Variants in PRPF39 observed in about 807,000 individuals in gnomAD.
The protein encoded by PRPF39 is pre-mRNA-processing factor 39.
PRPF39 carries 27 observed loss-of-function variants against 82.1 expected under a neutral mutation model. The observed-to-expected ratio is 0.33, with a 90% confidence interval of 0.24 to 0.45. The LOEUF (loss-of-function observed/expected upper bound fraction) is 0.45, where lower values mean the gene tolerates loss of function less well. Ranked by LOEUF, PRPF39 falls within the 20% of genes least tolerant of loss-of-function variation. PRPF39 has a pLI of 1.00. For synonymous variants in PRPF39, 261 were observed against 256.4 expected (o/e 1.02, Z -0.17); for missense variants, 581 against 796.9 (o/e 0.73, Z 3.26).
In PRPF39 at chr14:45,109,765, G is replaced by T. The variant is rs562635632; in HGVS notation, c.1161G>T (p.Glu387Asp). 3.1e-6 allele frequency: 5 copies of T among 1,602,816 alleles called. No homozygotes were observed. The African/African-American group carries it at 6.7e-5, about 21-fold the overall frequency. ...GTGTCATATCATGTGCCCTCTATGA[G>T]GAGTTTTGGATTAAGGTAAGAAAAT... ...ERCVISCALY[E>D]EFWIKYAKYM... Residue 387 changes from glutamate (E) to aspartate (D), a missense_variant, in exon 8 of 14, where the codon GAG becomes GAT. Physicochemically the swap from Glu to Asp is conservative, Grantham distance 45. Transcript: ENST00000355765.
chr14:45,100,287 C>T lies in PRPF39; in HGVS notation c.570-2242C>T, dbSNP rs980893106. Among the ~76,000 whole-genome samples the T allele has an allele frequency of 8.5e-5, 13 of 152,200 alleles. 1 individual carries two copies. The highest frequency in any genetic ancestry group is 2.9e-4 in the African/African-American group (12 of 41,530). On this transcript the variant is annotated intron_variant, in intron 4 of 13. Coordinates refer to ENST00000355765, the MANE Select transcript of PRPF39 (RefSeq NM_017922.4). ...AACAAAACACAAGCATATGGAAGCA[C>T]TGTGTGTTTTGTATGGGGCATTGTC...
chr14:45,090,512 A>G lies in PRPF39; in HGVS notation c.-19-4709A>G, dbSNP rs376521243. Among the ~76,000 whole-genome samples, 21 of 152,046 alleles carry G rather than the reference A, an allele frequency of 1.4e-4. No homozygotes were observed. The East Asian group carries it at 3.7e-3, about 27-fold the overall frequency. On this transcript the variant is annotated intron_variant, in intron 1 of 13. Transcript: ENST00000355765. Reference sequence around the variant, plus strand: ...TGTCTCTCTTATCTTTTCAGTCATCATTTCTACCTTCTTGTCTGCTGTCAA... The same window carrying G: ...TGTCTCTCTTATCTTTTCAGTCATCGTTTCTACCTTCTTGTCTGCTGTCAA...
In PRPF39 at chr14:45,112,306, C is replaced by CTT. The variant is rs1467977998; in HGVS notation, c.1573-8_1573-7dup. ...ATTTTAGAAATATTCATTGATGCTGCTTTTTACACAGGAGAACACAAAGTT... is the reference window on the plus strand; with the variant it reads ...ATTTTAGAAATATTCATTGATGCTGCTTTTTTTACACAGGAGAACACAAAGTT... On this transcript the variant is annotated splice_polypyrimidine_tract_variant and intron_variant, in intron 10 of 13. Coordinates refer to ENST00000355765, the MANE Select transcript of PRPF39 (RefSeq NM_017922.4). The CTT allele has an allele frequency of 6.5e-7, 1 of 1,544,000 alleles. No individual in the cohort carries two copies. The highest frequency in any genetic ancestry group is 8.6e-7 in the Non-Finnish European group (1 of 1,156,302).
At chr14:45,101,749 C>T in intron 4 of PRPF39, among the ~76,000 whole-genome samples, 1 of 151,414 alleles carries the variant, frequency 6.6e-6, no homozygotes, top group East Asian at 1.9e-4. Context: ...TGTGATAAAA[C>T]TTTAATGATA....
chr14:45,110,333 C>T lies in PRPF39; in HGVS notation c.1303+113C>T. Reference sequence around the variant, plus strand: ...AAGCAGAGTTTGGCAAACTTTTTCTCTAAAGGGCCAGATAGTAAAAGCCAC... The same window carrying T: ...AAGCAGAGTTTGGCAAACTTTTTCTTTAAAGGGCCAGATAGTAAAAGCCAC... On this transcript the variant is annotated intron_variant, in intron 9 of 13. Transcript: ENST00000355765. The surrounding 1 kb of genome is among the most constrained non-coding windows in gnomAD (Gnocchi z 4.0). 1.4e-6 allele frequency: 2 copies of T among 1,421,736 alleles called. No individual in the cohort carries two copies. Among genetic ancestry groups the T allele is most frequent in the Non-Finnish European group, 1.9e-6 (2 of 1,055,480 alleles). 88.1% of individuals were successfully genotyped at this position (1,421,736 alleles called of 1,614,324 possible). A position where few individuals can be genotyped will look rare whatever the true frequency, so the allele number is the denominator to read the frequency against.
chr14:45,096,496 G>T, intron 3 of PRPF39: 1 of 1,451,086 alleles, frequency 6.9e-7, no homozygotes, highest in Non-Finnish European at 9.2e-7. Flanking sequence ...TTAACAAGTA[G>T]GGCAGGGCTT....
intron 1 of PRPF39, among the ~76,000 whole-genome samples, chr14:45,090,724 GTA>G (rs1418277553): frequency 1.1e-4 from 16 of 152,140 alleles, no homozygotes; most frequent in South Asian, 8.3e-4. Context: ...ATGTGTGTGT[GTA>G]TGTGTTTGTG....
intron 6 of PRPF39, among the ~76,000 whole-genome samples, chr14:45,108,082 G>C (rs1263810121): frequency 6.6e-6 from 1 of 152,092 alleles, no homozygotes; most frequent in African/African-American, 2.4e-5. Context: ...TGGGGATTCA[G>C]TAGCTTGTAT....
intron 5 of PRPF39, among the ~76,000 whole-genome samples, chr14:45,103,468 A>T (rs1884436782): frequency 6.6e-6 from 1 of 152,018 alleles, no homozygotes; most frequent in Non-Finnish European, 1.5e-5. Context: ...TATAATTTTT[A>T]TGAGTAGTAT....
At chr14:45,092,077 G>A (rs2139039171) in intron 1 of PRPF39, among the ~76,000 whole-genome samples, 1 of 152,270 alleles carries the variant, frequency 6.6e-6, no homozygotes, top group Non-Finnish European at 1.5e-5. Flanking sequence ...GTAGAAGGAA[G>A]GACCACACTA....
chr14:45,100,335 G>C (rs1486368634), intron 4 of PRPF39, among the ~76,000 whole-genome samples: 3 of 152,230 alleles, frequency 2.0e-5, no homozygotes, highest in Non-Finnish European at 4.4e-5. Context: ...GTGTTTCACA[G>C]TAGTGTAATC....
chr14:45,111,631 CTTTTTT>C (rs58863567), intron 10 of PRPF39, among the ~76,000 whole-genome samples: 14 of 58,804 alleles, frequency 2.4e-4, no homozygotes, highest in African/African-American at 9.1e-4. Flanking sequence ...TGCACCTGGG[CTTTTTT>C]TTTTTTTTTT....
chr14:45,107,245 T>C (rs1884563038), intron 5 of PRPF39, among the ~76,000 whole-genome samples: 1 of 152,162 alleles, frequency 6.6e-6, no homozygotes, highest in African/African-American at 2.4e-5. Context: ...TAGGAAGAAA[T>C]TGAAGATGTC....
At position 45,114,274 on chromosome 14, in the gene PRPF39, T is replaced by G. The variant is rs1884775482; in HGVS notation, c.1832+17T>G. ...AGAAAATGGGTATGTCACTTTTTGCTAAGTCAAGAAGGCGTGCTTCATTAT... is the reference window on the plus strand; with the variant it reads ...AGAAAATGGGTATGTCACTTTTTGCGAAGTCAAGAAGGCGTGCTTCATTAT... On this transcript the variant is annotated intron_variant, in intron 12 of 13. Transcript: ENST00000355765. 1.9e-6 allele frequency: 3 copies of G among 1,559,404 alleles called. No individual in the cohort carries two copies. The highest frequency in any genetic ancestry group is 1.4e-5 in the African/African-American group (1 of 73,374).
At chr14:45,099,489 G>T (rs1884304554) in intron 4 of PRPF39, among the ~76,000 whole-genome samples, 1 of 151,690 alleles carries the variant, frequency 6.6e-6, no homozygotes, top group East Asian at 1.9e-4. Context: ...CTCTCCCCCA[G>T]GGTGGAGTGC....
chr14:45,097,016 C>T lies in PRPF39; in HGVS notation c.569+11C>T, dbSNP rs924131944. ...CAATACAATAAGAGGGTATGTGGAA[C>T]ATTGATACTGAAATGTTTTTTATGA... On this transcript the variant is annotated intron_variant, in intron 4 of 13. Transcript: ENST00000355765. 6.6e-7 allele frequency: 1 copy of T among 1,513,974 alleles called. No individual in the cohort carries two copies. Among genetic ancestry groups the T allele is most frequent in the African/African-American group, 1.4e-5 (1 of 70,628 alleles). 93.8% of individuals were successfully genotyped at this position (1,513,974 alleles called of 1,614,324 possible).
chr14:45,114,463 T>G, intron 12 of PRPF39, 31 bp from the exon 13 acceptor site: 1 of 1,535,050 alleles, frequency 6.5e-7, no homozygotes, highest in South Asian at 1.3e-5. Flanking sequence ...TGTGGGAGTT[T>G]TGAAAGTTTC....
rs754504001 is a variant in PRPF39 at position 45,102,570 on chromosome 14, G to C, written c.611G>C (p.Arg204Pro). ...HAVLAAGTDF[R>P]SDRLWEMYIN... is the part of the protein sequence containing the mutation. ...GTTCTAGCTGCAGGAACAGATTTCC[G>C]TTCTGACAGACTGTGGGAAATGTAT... is the stretch of plus-strand genomic sequence containing the variant. Residue 204 changes from arginine to proline, a missense_variant, in exon 5 of 14, where the codon CGT (arginine) becomes CCT (proline). By Grantham distance (103) the Arg-to-Pro change is moderately radical. Coordinates refer to ENST00000355765, the MANE Select transcript of PRPF39 (RefSeq NM_017922.4). The C allele has an allele frequency of 6.2e-7, 1 of 1,611,346 alleles. No individual in the cohort carries two copies. The highest frequency in any genetic ancestry group is 8.5e-7 in the Non-Finnish European group (1 of 1,178,906).
chr14:45,110,489 G>C lies in PRPF39; in HGVS notation c.1304-60G>C, dbSNP rs1240276597. On this transcript the variant is annotated intron_variant, in intron 9 of 13. Coordinates refer to ENST00000355765, the MANE Select transcript of PRPF39 (RefSeq NM_017922.4). This position sits in a 1 kb window ranked among gnomAD's most constrained non-coding sequence, Gnocchi z 4.0. The stretch of plus-strand genomic sequence containing the variant: ...CATGGGTGATTGTTGCCAGTATCTG[G>C]TTATAAACGTTATTTTGGTTGTTTA... The C allele has an allele frequency of 1.3e-6, 2 of 1,481,784 alleles. No individual in the cohort carries two copies. Among genetic ancestry groups the C allele is most frequent in the African/African-American group, 1.4e-5 (1 of 70,814 alleles). The allele number at this position is 1,481,784 out of a possible 1,614,324, so 91.8% of individuals were successfully genotyped here.
Sources: gnomAD v4.1 joint callset for allele counts (sites outside exome capture counted in the v4.1 genomes callset) on GRCh38, gnomAD v4.1.1 for gene constraint, Gnocchi (gnomAD v3.1) non-coding constraint, MANE v1.5 for transcripts, NCBI Gene and HGNC (gene_info 2026-07-23, HGNC 2026-07-21) for gene names.